ABHD5: variants seen among roughly 807,000 people sequenced by gnomAD.
ABHD5 encodes the protein abhydrolase domain containing 5, lysophosphatidic acid acyltransferase, also known as 1-acylglycerol-3-phosphate O-acyltransferase ABHD5.
A neutral mutation model predicts 44.9 loss-of-function variants in ABHD5; 30 were observed. The ratio of observed to expected loss-of-function variants is 0.67; its 90% confidence interval spans 0.50 to 0.91. The LOEUF (loss-of-function observed/expected upper bound fraction) is 0.91, where lower values mean the gene tolerates loss of function less well. Among genes scored for constraint, ABHD5 ranks in the 40% least tolerant of loss-of-function variants. ABHD5 has a pLI of 0.00. For missense variants in ABHD5, 399 were observed against 423.4 expected (o/e 0.94, Z 0.50); for synonymous variants, 167 against 147.0 (o/e 1.14, Z -0.99).
rs746546023 is a variant in ABHD5, at chr3:43,690,976, C to G, written c.-17C>G. The G allele has an allele frequency of 1.3e-6, 2 of 1,571,578 alleles. No individual in the cohort carries two copies. Among genetic ancestry groups the G allele is most frequent in the Non-Finnish European group, 1.7e-6 (2 of 1,162,418 alleles). ...GCCGGCTTCGAGATAAGTCCCGGCG[C>G]TTGCGCGGCGGCGGCTATGGCGGCG... On this transcript the variant is annotated 5_prime_UTR_variant, in exon 1 of 7. Coordinates refer to ENST00000644371, the MANE Select transcript of ABHD5 (RefSeq NM_016006.6).
At chr3:43,708,116 A>G (rs1024596238) in intron 3 of ABHD5, among the ~76,000 whole-genome samples, 4 of 152,226 alleles carry the variant, frequency 2.6e-5, no homozygotes, top group African/African-American at 9.6e-5. Flanking sequence ...CTCAAGGCCA[A>G]TTCTAATGAC....
At chr3:43,714,741 T>C (rs1450436188) in intron 4 of ABHD5, among the ~76,000 whole-genome samples, 1 of 152,172 alleles carries the variant, frequency 6.6e-6, no homozygotes, top group Admixed American at 6.5e-5. Flanking sequence ...TCTTTACTTC[T>C]TATATTAATA....
intron 1 of ABHD5, among the ~76,000 whole-genome samples, chr3:43,692,294 G>A (rs2084403695): frequency 6.6e-6 from 1 of 152,226 alleles, no homozygotes; most frequent in African/African-American, 2.4e-5. Flanking sequence ...GTTTGTTGAT[G>A]AACTTCCTCG....
chr3:43,702,029 G>A lies in ABHD5; in HGVS notation c.134-186G>A, dbSNP rs2084547680. The A allele has an allele frequency of 5.1e-6, 3 of 592,632 alleles. No homozygotes were observed. In the African/African-American group the frequency reaches 5.6e-5, roughly 11 times the overall value. 36.7% of individuals were successfully genotyped at this position (592,632 alleles called of 1,614,324 possible). A position where few individuals can be genotyped will look rare whatever the true frequency, so the allele number is the denominator to read the frequency against. Reference sequence around the variant, plus strand: ...CTGAGGTAGGTCTTCCCCTTTAGGTGTAAAACATGGTCATTTAGGATTATT... The same window carrying A: ...CTGAGGTAGGTCTTCCCCTTTAGGTATAAAACATGGTCATTTAGGATTATT... On this transcript the variant is annotated intron_variant, in intron 2 of 6. Transcript: ENST00000644371.
intron 2 of ABHD5, among the ~76,000 whole-genome samples, chr3:43,701,693 C>T (rs773964574): frequency 1.2e-4 from 18 of 152,166 alleles, no homozygotes; most frequent in Non-Finnish European, 2.2e-4. Flanking sequence ...CTTAAGGTTT[C>T]ACTTACATGT....
At chr3:43,707,580 T>C (rs1441471190) in intron 3 of ABHD5, 1 of 152,236 alleles carries the variant, frequency 6.6e-6, no homozygotes, top group East Asian at 1.9e-4. Flanking sequence ...TTCTGATTAT[T>C]TTCCTTAGAT....
At chr3:43,713,726 A>G (rs1473963572) in intron 4 of ABHD5, among the ~76,000 whole-genome samples, 1 of 152,222 alleles carries the variant, frequency 6.6e-6, no homozygotes, top group Non-Finnish European at 1.5e-5. Context: ...AATAGATTTT[A>G]CTAGAACACA....
In ABHD5 at chr3:43,699,348, G is replaced by T; in HGVS notation, c.120G>T (p.Glu40Asp). ...TATCACACCTTAAAGAAGCTGAAGA[G>T]AAGATGTTAAAATGTAAGGCTTTCT... ...TSISHLKEAE[E>D]KMLKCVPCTY... The change falls in exon 2 of 7, where the codon GAG (glutamate) becomes GAT (aspartate). Residue 40 changes from glutamate (E) to aspartate (D), a missense_variant. Coordinates refer to ENST00000644371, the MANE Select transcript of ABHD5 (RefSeq NM_016006.6). The T allele has an allele frequency of 6.2e-7, 1 of 1,613,466 alleles. No individual in the cohort carries two copies. Among genetic ancestry groups the T allele is most frequent in the Non-Finnish European group, 8.5e-7 (1 of 1,179,420 alleles).
At chr3:43,700,227 A>G (rs2084524491) in intron 2 of ABHD5, among the ~76,000 whole-genome samples, 2 of 152,186 alleles carry the variant, frequency 1.3e-5, no homozygotes, top group African/African-American at 2.4e-5. Flanking sequence ...CTAGCATTCT[A>G]GGATTCTATA....
At chr3:43,714,210 C>T (rs1315354279) in intron 4 of ABHD5, among the ~76,000 whole-genome samples, 2 of 150,700 alleles carry the variant, frequency 1.3e-5, no homozygotes, top group Non-Finnish European at 2.9e-5. Flanking sequence ...TCTTGGCTCA[C>T]TACAACCTCC....
rs1252940787 is a variant in ABHD5, at chr3:43,711,947, A to G, written c.661+84A>G. 1.9e-6 allele frequency: 3 copies of G among 1,583,922 alleles called. No individual in the cohort carries two copies. In the East Asian group the frequency reaches 6.7e-5, roughly 35 times the overall value. ...CACTATTGTTAGTCAAAATCTTAAAAACAAACAAGAAAACCCTGAACCCTT... is the reference window on the plus strand; with the variant it reads ...CACTATTGTTAGTCAAAATCTTAAAGACAAACAAGAAAACCCTGAACCCTT... On this transcript the variant is annotated intron_variant, in intron 4 of 6. Coordinates refer to ENST00000644371, the MANE Select transcript of ABHD5 (RefSeq NM_016006.6).
chr3:43,725,447 AAC>A (rs1559423016), downstream of ABHD5, among the ~76,000 whole-genome samples: 1 of 152,242 alleles, frequency 6.6e-6, no homozygotes, highest in African/African-American at 2.4e-5. Flanking sequence ...AAAAATTTAA[AAC>A]AGTCTTACCA....
intron 3 of ABHD5, among the ~76,000 whole-genome samples, chr3:43,708,142 T>C (rs982669366): frequency 1.3e-5 from 2 of 152,236 alleles, no homozygotes; most frequent in African/African-American, 4.8e-5. Flanking sequence ...TTAAGAAGAA[T>C]GCCTTTGTAT....
intron 1 of ABHD5, among the ~76,000 whole-genome samples, chr3:43,692,352 G>A (rs2084405185): frequency 6.6e-6 from 1 of 152,324 alleles, no homozygotes; most frequent in South Asian, 2.1e-4. Context: ...AAGTAGGAAC[G>A]TAATTGGTAG....
chr3:43,728,752 A>G lies in ABHD5; in HGVS notation c.*30-5128A>G, dbSNP rs2084894256. Among the ~76,000 whole-genome samples the G allele has an allele frequency of 2.0e-5, 3 of 152,180 alleles. No individual in the cohort carries two copies. In the South Asian group the frequency reaches 6.2e-4, roughly 32 times the overall value. The stretch of plus-strand genomic sequence containing the variant: ...CACACATACCTATTAAACAACCTCC[A>G]CTAACAGAGATAGATCTGAGAACTA... On this transcript the variant is annotated intron_variant, in intron 7 of 7. Transcript: ENST00000454293.
chr3:43,697,727 T>C (rs1258679593), intron 1 of ABHD5, among the ~76,000 whole-genome samples: 1 of 152,214 alleles, frequency 6.6e-6, no homozygotes, highest in Non-Finnish European at 1.5e-5. Context: ...AGGTAGGCTG[T>C]GGATGGATTG....
chr3:43,706,254 C>A (rs1332437247), intron 3 of ABHD5, among the ~76,000 whole-genome samples: 1 of 152,158 alleles, frequency 6.6e-6, no homozygotes, highest in Non-Finnish European at 1.5e-5. Context: ...CGTGCTCATC[C>A]AGCTTGCTTT....
chr3:43,711,983 C>T, intron 4 of ABHD5, 120 bp downstream of exon 4: 1 of 1,310,208 alleles, frequency 7.6e-7, no homozygotes, highest in South Asian at 1.2e-5. Context: ...ACTTTTTCTC[C>T]TCTTCCTCTA....
chr3:43,714,904 C>T (rs772826018), intron 4 of ABHD5, 43 bp from the exon 5 acceptor site: 5 of 1,399,296 alleles, frequency 3.6e-6, no homozygotes, highest in East Asian at 4.6e-5. Context: ...GATAAGTTAA[C>T]TATAATTTAA....
Sources: gnomAD v4.1 joint callset for allele counts (sites outside exome capture counted in the v4.1 genomes callset) on GRCh38, gnomAD v4.1.1 for gene constraint, MANE v1.5 for transcripts, NCBI Gene and HGNC (gene_info 2026-07-23, HGNC 2026-07-21) for gene names.